NCOA1: variants seen among roughly 807,000 people sequenced by gnomAD.
NCOA1 encodes the protein Hin-2 protein.
Under a neutral mutation model 150.9 loss-of-function variants are expected in NCOA1, and 35 were observed. The ratio of observed to expected loss-of-function variants is 0.23; its 90% CI spans 0.18 to 0.31. The LOEUF (loss-of-function observed/expected upper bound fraction) is 0.31. Ranked by LOEUF, NCOA1 falls within the 10% of genes least tolerant of loss-of-function variation. NCOA1 has a pLI of 1.00. For synonymous variants in NCOA1, 590 were observed against 630.0 expected (o/e 0.94, Z 0.95); for missense variants, 1,491 against 1,749.3 (o/e 0.85, Z 2.63).
rs1422603467 is a variant in NCOA1 at position 24,491,571 on chromosome 2, C to A, written c.-427C>A. ...CCACGGTCGCGGACGAGTGCGGCGC[C>A]GGTGAGCGGGGCCCAGAGGCGGCGG... On this transcript the variant is annotated 5_prime_UTR_variant, in exon 1 of 23. Coordinates refer to ENST00000348332, the MANE Select transcript of NCOA1 (RefSeq NM_003743.5). Among the ~76,000 whole-genome samples, 1 of 23,002 alleles carries A rather than the reference C, an allele frequency of 4.3e-5. No homozygotes were observed. Among genetic ancestry groups the A allele is most frequent in the Non-Finnish European group, 8.8e-5 (1 of 11,378 alleles). 15.1% of individuals were successfully genotyped at this position (23,002 alleles called of 152,430 possible).
At chr2:24,591,038 CA>C (rs55984229) in intron 3 of NCOA1, among the ~76,000 whole-genome samples, 9 of 152,112 alleles carry the variant, frequency 5.9e-5, no homozygotes, top group African/African-American at 9.6e-5. Flanking sequence ...AATAAATTAT[CA>C]AAATTTAGAT....
chr2:24,712,780 A>G (rs577727165), intron 14 of NCOA1, among the ~76,000 whole-genome samples: 64 of 152,178 alleles, frequency 4.2e-4, no homozygotes, highest in African/African-American at 1.4e-3. Flanking sequence ...TTAGGTATCC[A>G]ACTTTTTTTT....
At chr2:24,762,566 G>A in intron 21 of NCOA1, 121 bp from the exon 22 acceptor site, 2 of 831,412 alleles carry the variant, frequency 2.4e-6, no homozygotes, top group South Asian at 1.5e-5. Context: ...TAATTGCTAA[G>A]CTTTTCATTT....
chr2:24,658,207 A>G (rs778445868), intron 4 of NCOA1, among the ~76,000 whole-genome samples: 5 of 152,230 alleles, frequency 3.3e-5, no homozygotes, highest in African/African-American at 9.6e-5. Context: ...TTATCTTCCT[A>G]TCAATATAAA....
chr2:24,718,748 C>T (rs1388733355), intron 14 of NCOA1, among the ~76,000 whole-genome samples: 3 of 150,626 alleles, frequency 2.0e-5, no homozygotes, highest in Non-Finnish European at 4.4e-5. Flanking sequence ...AACAAATCAG[C>T]CGGGCGGCTA....
chr2:24,576,170 G>GTTTTTTTT (rs869093026), intron 2 of NCOA1, among the ~76,000 whole-genome samples: 23 of 46,232 alleles, frequency 5.0e-4, no homozygotes, highest in South Asian at 1.7e-3. Context: ...TTTGTTTTTT[G>GTTTTTTTT]TTTTTTTTTT....
chr2:24,537,500 C>G (rs10190152), intron 1 of NCOA1, among the ~76,000 whole-genome samples: 1,605 of 142,248 alleles, frequency 0.011, 27 homozygotes, highest in African/African-American at 0.037. Context: ...GTGTGTGTGT[C>G]TCTCTCTCTC....
chr2:24,572,183 G>T (rs1217984441), intron 2 of NCOA1, among the ~76,000 whole-genome samples: 1 of 152,158 alleles, frequency 6.6e-6, no homozygotes, highest in Non-Finnish European at 1.5e-5. Flanking sequence ...TTGAAATGGG[G>T]AGGGAAGAAT....
chr2:24,692,127 C>G (rs1028021034), intron 9 of NCOA1, among the ~76,000 whole-genome samples: 2 of 152,122 alleles, frequency 1.3e-5, no homozygotes, highest in African/African-American at 4.8e-5. Context: ...TGCTGAAGCT[C>G]TAATATGAAC....
rs1199496625 is a variant in NCOA1 at position 24,736,240 on chromosome 2, AAAAG to A, written c.3202-3188_3202-3185del. 2.9e-5 allele frequency among the ~76,000 whole-genome samples: 4 copies of A among 137,588 alleles called. 1 individual carries two copies. The South Asian group carries it at 6.5e-4, about 22-fold the overall frequency. The allele number at this position is 137,588 out of a possible 152,430, so 90.3% of individuals were successfully genotyped here. ...CCGTCTCAAAAAAAAAAAAAAAAGAAAAAGAAAAAGAAAATGGTATCATTAGCTG... is the reference window on the plus strand; with the variant it reads ...CCGTCTCAAAAAAAAAAAAAAAAGAAAAAAAGAAAATGGTATCATTAGCTG... On this transcript the variant is annotated intron_variant, in intron 17 of 22. Transcript: ENST00000348332.
At chr2:24,700,842 C>CTT (rs1406106222) in intron 11 of NCOA1, among the ~76,000 whole-genome samples, 1 of 152,140 alleles carries the variant, frequency 6.6e-6, no homozygotes, top group East Asian at 1.9e-4. Flanking sequence ...AGTCTATAGT[C>CTT]TAAGATGTTT....
chr2:24,589,045 A>G (rs1355125325), intron 3 of NCOA1, among the ~76,000 whole-genome samples: 1 of 152,076 alleles, frequency 6.6e-6, no homozygotes, highest in East Asian at 1.9e-4. Flanking sequence ...CAGCTTCTGG[A>G]TACTACTCAT....
chr2:24,600,751 C>T (rs986416805), intron 3 of NCOA1, among the ~76,000 whole-genome samples: 1 of 152,016 alleles, frequency 6.6e-6, no homozygotes, highest in Non-Finnish European at 1.5e-5. Context: ...TTTCTCAAGC[C>T]CTATTCTAAT....
At chr2:24,724,028 T>G (rs1234358623) in intron 14 of NCOA1, among the ~76,000 whole-genome samples, 1 of 152,156 alleles carries the variant, frequency 6.6e-6, no homozygotes, top group African/African-American at 2.4e-5. Flanking sequence ...ATCTTGGAAG[T>G]GACAGAAATT....
At chr2:24,555,163 T>C (rs893906217) in intron 1 of NCOA1, among the ~76,000 whole-genome samples, 4 of 152,214 alleles carry the variant, frequency 2.6e-5, no homozygotes, top group Non-Finnish European at 5.9e-5. Context: ...ATTTTCTCTT[T>C]TAATTTTCAC....
intron 7 of NCOA1, among the ~76,000 whole-genome samples, chr2:24,678,103 G>T (rs1165893375): frequency 1.3e-5 from 2 of 152,000 alleles, no homozygotes; most frequent in African/African-American, 4.8e-5. Context: ...TGTTCTCATT[G>T]TTCAGCTCCC....
chr2:24,594,470 A>T (rs1456057024), intron 3 of NCOA1, among the ~76,000 whole-genome samples: 1 of 152,134 alleles, frequency 6.6e-6, no homozygotes, highest in Non-Finnish European at 1.5e-5. Context: ...ACATAATCAC[A>T]GAATTTCTTC....
chr2:24,660,967 A>C (rs1005369749), intron 5 of NCOA1, among the ~76,000 whole-genome samples: 1 of 152,152 alleles, frequency 6.6e-6, no homozygotes, highest in African/African-American at 2.4e-5. Flanking sequence ...AGGCTGAGGC[A>C]GGAGAATCAC....
At chr2:24,712,419 G>A (rs569012146) in intron 14 of NCOA1, among the ~76,000 whole-genome samples, 9 of 152,244 alleles carry the variant, frequency 5.9e-5, no homozygotes, top group African/African-American at 1.7e-4. Flanking sequence ...TTGAATGGGC[G>A]GAAAGATGTC....
Sources: gnomAD v4.1 joint callset for allele counts (sites outside exome capture counted in the v4.1 genomes callset) on GRCh38, gnomAD v4.1.1 for gene constraint, MANE v1.5 for transcripts, NCBI Gene and HGNC (gene_info 2026-07-23, HGNC 2026-07-21) for gene names.